CELF1: variants seen among roughly 807,000 people sequenced by gnomAD.
CELF1 encodes the protein 50 kDa nuclear polyadenylated RNA-binding protein.
In CELF1, 10 loss-of-function variants were observed where a neutral mutation model predicts 61.8. That is an observed-to-expected ratio of 0.16 (90% confidence interval 0.10 to 0.27). The LOEUF (loss-of-function observed/expected upper bound fraction) is 0.27, where lower values mean the gene tolerates loss of function less well. Ranked by LOEUF, CELF1 falls within the 10% of genes least tolerant of loss-of-function variation. CELF1 has a pLI of 1.00. For missense variants in CELF1, 380 were observed against 639.1 expected, an observed-to-expected ratio of 0.59 and a Z score of 4.37; for synonymous variants, 236 against 225.1, an observed-to-expected ratio of 1.05 and a Z score of -0.43.
intron 2 of CELF1, among the ~76,000 whole-genome samples, chr11:47,561,506 A>G (rs2097225516): frequency 6.6e-6 from 1 of 151,682 alleles, no homozygotes; most frequent in Non-Finnish European, 1.5e-5. Context: ...TAAAATGGCT[A>G]TAATGAAAGA....
intron 1 of CELF1, among the ~76,000 whole-genome samples, chr11:47,552,718 G>C (rs756218373): frequency 5.9e-5 from 9 of 152,202 alleles, no homozygotes; most frequent in Non-Finnish European, 1.2e-4. Context: ...TAAAGGGCGC[G>C]GGGAGAGGAA....
At chr11:47,505,468 AAAAAAATAC>A (rs752527751) in intron 1 of CELF1, among the ~76,000 whole-genome samples, 2 of 150,212 alleles carry the variant, frequency 1.3e-5, no homozygotes, top group African/African-American at 2.4e-5. Context: ...CTCTCTACTA[AAAAAAATAC>A]AAAAAATACA....
chr11:47,518,319 C>T (rs2095666465), intron 1 of CELF1, among the ~76,000 whole-genome samples: 1 of 152,342 alleles, frequency 6.6e-6, no homozygotes, highest in Middle Eastern at 3.4e-3. Context: ...GAAGCTATTT[C>T]AATCACTCAG....
chr11:47,521,474 A>C (rs1565880789), intron 1 of CELF1, among the ~76,000 whole-genome samples: 1 of 152,180 alleles, frequency 6.6e-6, no homozygotes, highest in Non-Finnish European at 1.5e-5. Context: ...GAGTCATACC[A>C]CTGCTTTCTA....
Position 47,511,975 on chromosome 11 carries a change from A to C in CELF1, c.-153-11043T>G, listed in dbSNP as rs146353621. The stretch of plus-strand genomic sequence containing the variant: ...GTGCTTCTTGTGCCTCAGCCTCCCA[A>C]GCAGCTAGGACTACAGGCACAAGCC... On this transcript the variant is annotated intron_variant, in intron 1 of 14. Transcript: ENST00000687097. 1.9e-3 allele frequency among the ~76,000 whole-genome samples: 289 copies of C among 152,090 alleles called. 1 individual carries two copies. The highest frequency in any genetic ancestry group is 0.014 in the Middle Eastern group (4 of 294).
intron 1 of CELF1, among the ~76,000 whole-genome samples, chr11:47,501,610 T>C (rs2093909816): frequency 1.3e-5 from 2 of 152,020 alleles, no homozygotes; most frequent in Non-Finnish European, 2.9e-5. Context: ...AGGTCAGAAG[T>C]TGAAGGCCAG....
chr11:47,486,654 T>A, intron 6 of CELF1, 96 bp downstream of exon 6: 1 of 947,662 alleles, frequency 1.1e-6, no homozygotes, highest in Non-Finnish European at 1.7e-6. Flanking sequence ...GCAATCCATC[T>A]GTCTTGGCCT....
chr11:47,508,089 G>A (rs950214794), intron 1 of CELF1, among the ~76,000 whole-genome samples: 3 of 152,250 alleles, frequency 2.0e-5, no homozygotes, highest in Non-Finnish European at 4.4e-5. Context: ...TAACCTGCCC[G>A]TGGCTTCTTG....
upstream of CELF1, among the ~76,000 whole-genome samples, chr11:47,554,968 A>C (rs528905880): frequency 3.3e-5 from 5 of 152,082 alleles, no homozygotes; most frequent in African/African-American, 9.7e-5. Context: ...CCGGCCTCAC[A>C]GTATATTTTG....
intron 9 of CELF1, among the ~76,000 whole-genome samples, chr11:47,480,114 G>A (rs1194127831): frequency 6.7e-6 from 1 of 148,980 alleles, no homozygotes; most frequent in Non-Finnish European, 1.5e-5. Context: ...TTTTGAGACG[G>A]AGTCTCGCTC....
At chr11:47,561,009 G>A (rs377003910) in intron 2 of CELF1, among the ~76,000 whole-genome samples, 2 of 151,398 alleles carry the variant, frequency 1.3e-5, no homozygotes, top group Admixed American at 6.6e-5. Flanking sequence ...GTGGTGGTGG[G>A]CGCCTGTAGT....
At chr11:47,538,520 G>A (rs2096689031) in intron 1 of CELF1, among the ~76,000 whole-genome samples, 2 of 151,760 alleles carry the variant, frequency 1.3e-5, no homozygotes, top group Admixed American at 1.3e-4. Context: ...GTGGGCACCT[G>A]TACTCCCAGC....
intron 6 of CELF1, among the ~76,000 whole-genome samples, 156 bp downstream of exon 6, chr11:47,486,594 G>C (rs2087340022): frequency 6.6e-6 from 1 of 152,100 alleles, no homozygotes; most frequent in Non-Finnish European, 1.5e-5. Context: ...ATTTTTAGTA[G>C]AGACGGGGTT....
chr11:47,489,123 G>T, intron 3 of CELF1, 99 bp from the exon 4 acceptor site: 1 of 1,049,872 alleles, frequency 9.5e-7, no homozygotes, highest in South Asian at 2.2e-5. Context: ...GAGAACGTAA[G>T]GGAAAAAAAA....
intron 2 of CELF1, among the ~76,000 whole-genome samples, chr11:47,564,166 A>G (rs2097236125): frequency 7.0e-6 from 1 of 143,574 alleles, no homozygotes; most frequent in Non-Finnish European, 1.5e-5. Context: ...TCTCTACTAA[A>G]AATACAAAAA....
intron 1 of CELF1, among the ~76,000 whole-genome samples, chr11:47,516,517 A>T (rs1193884312): frequency 6.6e-6 from 1 of 152,026 alleles, no homozygotes; most frequent in Non-Finnish European, 1.5e-5. Context: ...TGCAGATCCT[A>T]TGTTTATTCT....
chr11:47,466,954 T>G lies in CELF1; in HGVS notation c.*5276A>C, dbSNP rs1181785531. The G allele has an allele frequency of 6.6e-6, 1 of 152,270 alleles. No homozygotes were observed. The highest frequency in any genetic ancestry group is 1.5e-5 in the Non-Finnish European group (1 of 68,094). The allele number at this position is 152,270 out of a possible 1,614,324, so 9.4% of individuals were successfully genotyped here. On this transcript the variant is annotated 3_prime_UTR_variant, in exon 15 of 15. Coordinates refer to ENST00000687097, the MANE Select transcript of CELF1 (RefSeq NM_001376376.1). ...AGCAGCCTACCAGACACTGGGCCTC[T>G]GCCTGGCTGCCCTTTCCCCCAGGCA...
chr11:47,522,248 G>A (rs558324818), intron 1 of CELF1, among the ~76,000 whole-genome samples: 8 of 151,762 alleles, frequency 5.3e-5, no homozygotes, highest in Non-Finnish European at 8.8e-5. Flanking sequence ...GAAGTAGGCC[G>A]GGCATGGTGG....
At position 47,470,303 on chromosome 11, in the gene CELF1, T is replaced by A. The variant is rs1465650188; in HGVS notation, c.*1927A>T. ...ATTTTTTTCTTTTTTTTTTTTGTTT[T>A]CTTTTTTCTTTTTTATTTTTATTTT... On this transcript the variant is annotated 3_prime_UTR_variant, in exon 15 of 15. Coordinates refer to ENST00000687097, the MANE Select transcript of CELF1 (RefSeq NM_001376376.1). 1 of 151,730 alleles carries A rather than the reference T, an allele frequency of 6.6e-6. No individual in the cohort carries two copies. Among genetic ancestry groups the A allele is most frequent in the Non-Finnish European group, 1.5e-5 (1 of 67,950 alleles). 9.4% of individuals were successfully genotyped at this position (151,730 alleles called of 1,614,324 possible).
Sources: allele counts gnomAD v4.1 joint callset (sites outside exome capture counted in the v4.1 genomes callset), GRCh38; gene constraint gnomAD v4.1.1; transcripts MANE v1.5; gene names NCBI Gene and HGNC (gene_info 2026-07-23, HGNC 2026-07-21).